The following C21orf91 variants were observed in gnomAD, a reference collection of about 807,000 sequenced individuals.
The protein encoded by C21orf91 is protein EURL homolog.
A neutral mutation model predicts 32.9 loss-of-function variants in C21orf91; 26 were observed. The ratio of observed to expected loss-of-function variants is 0.79; its 90% confidence interval spans 0.58 to 1.10. C21orf91 has a LOEUF of 1.10. C21orf91 is among the 50% of genes least tolerant of loss of function. C21orf91 has a pLI of 0.00. For missense variants in C21orf91, 310 were observed against 341.3 expected (o/e 0.91, Z 0.72); for synonymous variants, 126 against 120.4 (o/e 1.05, Z -0.31).
In C21orf91 at chr21:17,795,224, G is replaced by C. The variant is rs771825267; in HGVS notation, c.711C>G (p.Leu237=). 6.2e-7 allele frequency: 1 copy of C among 1,610,706 alleles called. No individual in the cohort carries two copies. Among genetic ancestry groups the C allele is most frequent in the Non-Finnish European group, 8.5e-7 (1 of 1,177,174 alleles). ...LGEVEQLNAK[L]LQQIQEVFEE... Reference sequence around the variant, plus strand: ...GATTCTTACCCTGGATTTGCTGTAGGAGCTTTGCATTCAGTTGCTCTACCT... The same window carrying C: ...GATTCTTACCCTGGATTTGCTGTAGCAGCTTTGCATTCAGTTGCTCTACCT... The change falls in exon 4 of 5, where the codon CTC becomes CTG. Residue 237 remains leucine, a synonymous_variant. Transcript: ENST00000284881.
intron 2 of C21orf91, chr21:17,810,866 G>A (rs1335177883): frequency 1.3e-5 from 2 of 152,134 alleles, no homozygotes. Flanking sequence ...GCATATTATT[G>A]TTTGTTTAGA....
rs752456963 is a variant in C21orf91, at chr21:17,796,958, C to T, written c.288G>A (p.Trp96Ter). The T allele has an allele frequency of 1.2e-6, 2 of 1,613,014 alleles. No homozygotes were observed. Among genetic ancestry groups the T allele is most frequent in the South Asian group, 1.1e-5 (1 of 91,064 alleles). Residue 96 changes from tryptophan (W) to a stop codon, truncating the protein, a stop_gained, in exon 3 of 5, where the codon TGG becomes TGA. Transcript: ENST00000284881. LOFTEE classifies it high-confidence loss of function. ...CCTTATTTTGTGCATACTGCACAAT[C>T]CAGTTTATCTTCTTACTCAAAATGG... ...VKTILSKKIN[W>*]IVQYAQNKDL...
chr21:17,811,513 C>T (rs923902524), intron 2 of C21orf91: 2 of 152,150 alleles, frequency 1.3e-5, no homozygotes, highest in African/African-American at 4.8e-5. Context: ...AGAAAAATTA[C>T]ACTTTTAGCG....
At chr21:17,804,349 T>C (rs1416657628) in intron 2 of C21orf91, among the ~76,000 whole-genome samples, 1 of 152,230 alleles carries the variant, frequency 6.6e-6, no homozygotes, top group Non-Finnish European at 1.5e-5. Context: ...GACAGGCTTC[T>C]GCCTCTTAAA....
At chr21:17,817,444 T>C (rs2062671348) in intron 2 of C21orf91, among the ~76,000 whole-genome samples, 1 of 152,162 alleles carries the variant, frequency 6.6e-6, no homozygotes, top group Admixed American at 6.5e-5. Context: ...TCTCTACTGA[T>C]ATGTTACAAC....
chr21:17,816,175 G>C (rs905241115), intron 2 of C21orf91, among the ~76,000 whole-genome samples: 2 of 152,146 alleles, frequency 1.3e-5, no homozygotes, highest in African/African-American at 2.4e-5. Context: ...ATTGAGAATT[G>C]TCTTTTACAC....
chr21:17,811,577 T>C (rs1326375554), intron 2 of C21orf91: 1 of 152,208 alleles, frequency 6.6e-6, no homozygotes, highest in African/African-American at 2.4e-5. Flanking sequence ...GATGTCTCTT[T>C]ATCAGTTTTC....
In C21orf91 at chr21:17,818,244, T is replaced by G. The variant is rs1380718399; in HGVS notation, c.75A>C (p.Thr25=). ...GGCAGAAGGAGAGTGTTTCTTTGTC[T>G]GTTCCCAGTTTACAAACACTGCAAA... ...DNICSVCKLG[T]DKETLSFCHI... Residue 25 remains threonine (T), a synonymous_variant, in exon 2 of 5, where the codon ACA becomes ACC. Transcript: ENST00000284881. The G allele has an allele frequency of 6.2e-7, 1 of 1,610,836 alleles. No homozygotes were observed.
Position 17,793,568 on chromosome 21 carries a change from C to G in C21orf91, c.741G>C (p.Glu247Asp), listed in dbSNP as rs2062494752. The change falls in exon 5 of 5, where the codon GAG (glutamate) becomes GAC (aspartate). Residue 247 changes from glutamate (E) to aspartate (D), a missense_variant. Transcript: ENST00000284881. ...CTTTTTCTTGCACTTGGTGAGTTAA[C>G]TCTTCAAAAACTTCTGTAAAAGATT... Reference protein sequence around the residue: ...LLQQIQEVFEELTHQVQEKDS... With the variant: ...LLQQIQEVFEDLTHQVQEKDS... 1 of 1,608,886 alleles carries G rather than the reference C, an allele frequency of 6.2e-7. No homozygotes were observed. The highest frequency in any genetic ancestry group is 1.7e-5 in the Admixed American group (1 of 58,950).
chr21:17,815,664 AT>A lies in C21orf91; in HGVS notation c.127+2527del, dbSNP rs113135854. On this transcript the variant is annotated intron_variant, in intron 2 of 4. Transcript: ENST00000284881. ...CATTTCCCTCCTCTTTTCTAAAATAATTTTTTTTTTTTTGAGACAGAGTTTT... is the reference window on the plus strand; with the variant it reads ...CATTTCCCTCCTCTTTTCTAAAATAATTTTTTTTTTTTGAGACAGAGTTTT... Among the ~76,000 whole-genome samples, 229 of 145,982 alleles carry A rather than the reference AT, an allele frequency of 1.6e-3. No individual in the cohort carries two copies. In the Middle Eastern group the frequency reaches 0.021, roughly 14 times the overall value.
At chr21:17,810,328 T>G (rs1454944512) in intron 2 of C21orf91, among the ~76,000 whole-genome samples, 1 of 152,080 alleles carries the variant, frequency 6.6e-6, no homozygotes, top group Admixed American at 6.6e-5. Flanking sequence ...CATGGAAAAA[T>G]TTTTCTTAAG....
rs377672791 is a variant in C21orf91, at chr21:17,796,698, C to T, written c.548G>A (p.Cys183Tyr). The change falls in exon 3 of 5, where the codon TGT (cysteine) becomes TAT (tyrosine). Residue 183 changes from cysteine (C) to tyrosine (Y), a missense_variant. Coordinates refer to ENST00000284881, the MANE Select transcript of C21orf91 (RefSeq NM_001100420.2). ...SMLQDSGATL[C>Y]RNSVLWPHSH... ...ATGAGGCCACAATACACTGTTACGA[C>T]ATAAAGTGGCACCTGAATCTTGTAA... 2.7e-5 allele frequency: 43 copies of T among 1,613,904 alleles called. No homozygotes were observed. Among genetic ancestry groups the T allele is most frequent in the African/African-American group, 1.7e-4 (13 of 74,934 alleles).
intron 2 of C21orf91, among the ~76,000 whole-genome samples, chr21:17,802,982 C>T (rs1214747181): frequency 1.3e-5 from 2 of 152,172 alleles, no homozygotes; most frequent in Admixed American, 6.5e-5. Context: ...TGCATTATCA[C>T]ATCAGTAGGA....
chr21:17,806,861 G>A (rs1027260940), intron 2 of C21orf91, among the ~76,000 whole-genome samples: 1 of 151,708 alleles, frequency 6.6e-6, no homozygotes, highest in Non-Finnish European at 1.5e-5. Context: ...CAAAGCCTGG[G>A]CACTCCATCC....
At chr21:17,796,487 A>G in intron 3 of C21orf91, 95 bp downstream of exon 3, 1 of 918,394 alleles carries the variant, frequency 1.1e-6, no homozygotes. Flanking sequence ...CAAATCTATG[A>G]TTCCACAGCA....
intron 2 of C21orf91, among the ~76,000 whole-genome samples, chr21:17,799,921 CA>C (rs1351332134): frequency 1.8e-4 from 28 of 152,070 alleles, no homozygotes; most frequent in Admixed American, 1.8e-3. Context: ...TCCCTCCTAG[CA>C]AGGGAACTAG....
chr21:17,817,713 G>A (rs924174770), intron 2 of C21orf91: 1 of 152,044 alleles, frequency 6.6e-6, no homozygotes, highest in Non-Finnish European at 1.5e-5. Context: ...CAGTGTGTGT[G>A]ATCACTGAAA....
At chr21:17,795,893 A>G (rs952467210) in intron 3 of C21orf91, among the ~76,000 whole-genome samples, 1 of 152,240 alleles carries the variant, frequency 6.6e-6, no homozygotes, top group Non-Finnish European at 1.5e-5. Flanking sequence ...CAGTTTTTAA[A>G]AAGTGTTAGT....
rs552575117 is a variant in C21orf91 at position 17,789,411 on chromosome 21, C to G, written c.*4004G>C. 1.3e-5 allele frequency: 2 copies of G among 152,062 alleles called. No homozygotes were observed. The highest frequency in any genetic ancestry group is 2.9e-5 in the Non-Finnish European group (2 of 68,000). The allele number at this position is 152,062 out of a possible 1,614,324, so 9.4% of individuals were successfully genotyped here. A position where few individuals can be genotyped will look rare whatever the true frequency, so the allele number is the denominator to read the frequency against. On this transcript the variant is annotated 3_prime_UTR_variant, in exon 5 of 5. Transcript: ENST00000284881. ...AAGGTACACACACTTACTAAAATTCCCCTTTGCTTTAGGTGTAGTTGAGGG... is the reference window on the plus strand; with the variant it reads ...AAGGTACACACACTTACTAAAATTCGCCTTTGCTTTAGGTGTAGTTGAGGG...
Sources: gnomAD v4.1 joint callset for allele counts (sites outside exome capture counted in the v4.1 genomes callset) on GRCh38, gnomAD v4.1.1 for gene constraint, MANE v1.5 for transcripts, NCBI Gene and HGNC (gene_info 2026-07-23, HGNC 2026-07-21) for gene names.